GALNT13: variants seen among roughly 807,000 people sequenced by gnomAD.
The protein encoded by GALNT13 is polypeptide N-acetylgalactosaminyltransferase 13.
Under a neutral mutation model 64.2 loss-of-function variants are expected in GALNT13, and 28 were observed. The observed-to-expected ratio is 0.44, with a 90% CI of 0.32 to 0.60. The LOEUF (loss-of-function observed/expected upper bound fraction) is 0.60, where lower values mean the gene tolerates loss of function less well. Among genes scored for constraint, GALNT13 ranks in the 20% least tolerant of loss-of-function variants. The pLI, the probability that GALNT13 is intolerant of heterozygous loss-of-function variation, is 0.05. For synonymous variants in GALNT13, 214 were observed against 224.6 expected (o/e 0.95, Z 0.42); for missense variants, 577 against 669.8 (o/e 0.86, Z 1.53).
intron 3 of GALNT13, among the ~76,000 whole-genome samples, chr2:154,026,156 A>C (rs936404143): frequency 3.3e-5 from 5 of 152,206 alleles, no homozygotes; most frequent in Admixed American, 2.0e-4. Flanking sequence ...TTGAAGTGAG[A>C]AATCTACTGG....
chr2:153,433,449 G>A, the GALNT13 span, among the ~76,000 whole-genome samples: 2 of 152,054 alleles, frequency 1.3e-5, no homozygotes, highest in Non-Finnish European at 2.9e-5. Context: ...TTATCCTGGT[G>A]TCATTATTCT....
chr2:154,456,462 G>A (rs960992766), downstream of GALNT13, among the ~76,000 whole-genome samples: 1 of 151,766 alleles, frequency 6.6e-6, no homozygotes, highest in African/African-American at 2.4e-5. Flanking sequence ...AAAATAAATG[G>A]TTAACATTTC....
chr2:153,094,187 G>T, the GALNT13 span, among the ~76,000 whole-genome samples: 1 of 151,368 alleles, frequency 6.6e-6, no homozygotes, highest in Non-Finnish European at 1.5e-5. Flanking sequence ...ATTAAATTTG[G>T]GTTTGGTTTT....
intron 9 of GALNT13, among the ~76,000 whole-genome samples, chr2:154,309,928 G>T (rs1693941414): frequency 6.6e-6 from 1 of 152,152 alleles, no homozygotes; most frequent in Non-Finnish European, 1.5e-5. Flanking sequence ...GTGAGATCCA[G>T]TCCTTGCCCA....
At chr2:153,088,194 C>G in the GALNT13 span, among the ~76,000 whole-genome samples, 1 of 151,992 alleles carries the variant, frequency 6.6e-6, no homozygotes, top group Non-Finnish European at 1.5e-5. Flanking sequence ...AGAATTGTTT[C>G]ATATTCATCC....
At chr2:153,419,665 C>G in the GALNT13 span, among the ~76,000 whole-genome samples, 155 of 152,218 alleles carry the variant, frequency 1.0e-3, 1 homozygote, top group African/African-American at 3.6e-3. Context: ...AATACATGCA[C>G]ACACACATAC....
the GALNT13 span, among the ~76,000 whole-genome samples, chr2:153,197,528 G>A: frequency 6.6e-6 from 1 of 152,246 alleles, no homozygotes; most frequent in Non-Finnish European, 1.5e-5. Context: ...ATATGTTTGT[G>A]CACTGGGACT....
chr2:153,776,045 G>T, the GALNT13 span, among the ~76,000 whole-genome samples: 1 of 151,976 alleles, frequency 6.6e-6, no homozygotes, highest in Non-Finnish European at 1.5e-5. Context: ...AGGAAACTTC[G>T]AAGAAATATT....
chr2:154,230,512 A>G (rs529554105), intron 4 of GALNT13, among the ~76,000 whole-genome samples: 3 of 152,114 alleles, frequency 2.0e-5, no homozygotes, highest in African/African-American at 7.2e-5. Flanking sequence ...AGTTCTTCAC[A>G]ATAGAAAGAA....
chr2:153,794,366 G>A, the GALNT13 span, among the ~76,000 whole-genome samples: 1 of 152,064 alleles, frequency 6.6e-6, no homozygotes, highest in Non-Finnish European at 1.5e-5. Context: ...ATCTTTTAGA[G>A]TTAATTTATT....
the GALNT13 span, among the ~76,000 whole-genome samples, chr2:153,301,913 A>G: frequency 3.3e-4 from 39 of 119,664 alleles, no homozygotes; most frequent in African/African-American, 1.1e-3. Flanking sequence ...GTGTGTGTGT[A>G]TAGTATATCA....
chr2:153,988,634 G>T (rs1321118101), intron 3 of GALNT13, among the ~76,000 whole-genome samples: 1 of 151,906 alleles, frequency 6.6e-6, no homozygotes, highest in African/African-American at 2.4e-5. Context: ...TTGGAATAAA[G>T]CATTGACGGT....
the GALNT13 span, among the ~76,000 whole-genome samples, chr2:153,364,833 G>A: frequency 6.2e-4 from 95 of 152,114 alleles, 1 homozygote; most frequent in African/African-American, 2.2e-3. Context: ...TGGATTCAAT[G>A]CTAATCCCAT....
At chr2:154,151,824 G>T (rs1436324104) in intron 4 of GALNT13, among the ~76,000 whole-genome samples, 1 of 152,018 alleles carries the variant, frequency 6.6e-6, no homozygotes, top group African/African-American at 2.4e-5. Flanking sequence ...CTATGTGTGT[G>T]TCTGCATGTG....
chr2:154,184,427 G>A (rs1277536339), intron 4 of GALNT13, among the ~76,000 whole-genome samples: 1 of 152,026 alleles, frequency 6.6e-6, no homozygotes, highest in Non-Finnish European at 1.5e-5. Context: ...TTATTGTCAT[G>A]TTAATTGCTT....
the GALNT13 span, among the ~76,000 whole-genome samples, chr2:153,460,278 T>C: frequency 1.3e-5 from 2 of 152,168 alleles, no homozygotes; most frequent in South Asian, 2.1e-4. Flanking sequence ...AGTATAATTT[T>C]ATTTTTAGTC....
chr2:153,096,401 A>G, the GALNT13 span, among the ~76,000 whole-genome samples: 1 of 152,180 alleles, frequency 6.6e-6, no homozygotes, highest in African/African-American at 2.4e-5. Context: ...TATAATGCAG[A>G]TGAGCCCTGA....
At chr2:153,533,509 C>A in the GALNT13 span, among the ~76,000 whole-genome samples, 1 of 152,070 alleles carries the variant, frequency 6.6e-6, no homozygotes, top group East Asian at 2.0e-4. Context: ...CCTCATCCTC[C>A]CAAAGTGCTG....
intron 4 of GALNT13, among the ~76,000 whole-genome samples, chr2:154,168,710 G>T (rs1685179724): frequency 6.6e-6 from 1 of 151,484 alleles, no homozygotes; most frequent in Non-Finnish European, 1.5e-5. Context: ...AAGCATGGTG[G>T]TGGGTGCCTG....
Sources: allele counts gnomAD v4.1 joint callset (sites outside exome capture counted in the v4.1 genomes callset), GRCh38; gene constraint gnomAD v4.1.1; transcripts MANE v1.5; gene names NCBI Gene and HGNC (gene_info 2026-07-23, HGNC 2026-07-21).